Variants in IQCH observed in about 807,000 individuals in gnomAD.
The protein encoded by IQCH is IQ motif containing H.
In IQCH, 98 loss-of-function variants were observed where a neutral mutation model predicts 117.0. The ratio of observed to expected loss-of-function variants is 0.84; its 90% CI spans 0.71 to 0.99. The LOEUF (loss-of-function observed/expected upper bound fraction) is 0.99. IQCH is among the 50% of genes least tolerant of loss of function. The pLI is 0.00. For missense variants in IQCH, 1,102 were observed against 1,243.8 expected, an observed-to-expected ratio of 0.89 and a Z score of 1.72; for synonymous variants, 412 against 448.2, an observed-to-expected ratio of 0.92 and a Z score of 1.02.
intron 12 of IQCH, among the ~76,000 whole-genome samples, chr15:67,394,054 G>T (rs1971376261): frequency 6.6e-6 from 1 of 152,094 alleles, no homozygotes; most frequent in Admixed American, 6.6e-5. Context: ...TGAATTCAAA[G>T]CCAGACCTGT....
intron 18 of IQCH, among the ~76,000 whole-genome samples, chr15:67,489,348 G>A (rs2083582143): frequency 7.1e-6 from 1 of 141,198 alleles, no homozygotes; most frequent in African/African-American, 2.7e-5. Flanking sequence ...TTTTTGAGAT[G>A]GAATTTTGCT....
At position 67,458,341 on chromosome 15, in the gene IQCH, C is replaced by G. The variant is rs929095588; in HGVS notation, c.2506-6786C>G. On this transcript the variant is annotated intron_variant, in intron 16 of 20. Coordinates refer to ENST00000335894, the MANE Select transcript of IQCH (RefSeq NM_001031715.3). This position sits in a 1 kb window ranked among gnomAD's most constrained non-coding sequence, Gnocchi z 4.1. ...GCTCCTTTTTCTCATACTGCACATCCAATCCATCAATAAGTCCTTTTAGTT... is the reference window on the plus strand; with the variant it reads ...GCTCCTTTTTCTCATACTGCACATCGAATCCATCAATAAGTCCTTTTAGTT... Among the ~76,000 whole-genome samples the G allele has an allele frequency of 2.6e-5, 4 of 152,200 alleles. No homozygotes were observed. Among genetic ancestry groups the G allele is most frequent in the Non-Finnish European group, 4.4e-5 (3 of 68,042 alleles).
intron 6 of IQCH, among the ~76,000 whole-genome samples, chr15:67,354,104 A>C (rs1168627987): frequency 6.6e-6 from 1 of 152,196 alleles, no homozygotes; most frequent in Admixed American, 6.5e-5. Context: ...AAAGAGGAAA[A>C]GCTTATCAAC....
chr15:67,348,496 GA>G (rs1043290052), intron 6 of IQCH, among the ~76,000 whole-genome samples: 13 of 151,666 alleles, frequency 8.6e-5, no homozygotes, highest in South Asian at 6.3e-4. Context: ...ATTGGAAATC[GA>G]ATATTAAAAA....
chr15:67,350,567 C>T (rs1440448212), intron 6 of IQCH, among the ~76,000 whole-genome samples: 1 of 152,106 alleles, frequency 6.6e-6, no homozygotes, highest in East Asian at 1.9e-4. Context: ...GCTGGGACTA[C>T]AGGCGCCCGC....
At chr15:67,294,724 G>A (rs1966842640) in intron 4 of IQCH, among the ~76,000 whole-genome samples, 1 of 152,212 alleles carries the variant, frequency 6.6e-6, no homozygotes, top group Non-Finnish European at 1.5e-5. Flanking sequence ...CTGAGCAGCT[G>A]AACTAATGCT....
At position 67,393,060 on chromosome 15, in the gene IQCH, G is replaced by A. The variant is rs2140849401; in HGVS notation, c.1633-2231G>A. Among the ~76,000 whole-genome samples, 1 of 152,172 alleles carries A rather than the reference G, an allele frequency of 6.6e-6. No individual in the cohort carries two copies. The highest frequency in any genetic ancestry group is 6.5e-5 in the Admixed American group (1 of 15,292). On this transcript the variant is annotated intron_variant, in intron 12 of 20. Coordinates refer to ENST00000335894, the MANE Select transcript of IQCH (RefSeq NM_001031715.3). This position sits in a 1 kb window ranked among gnomAD's most constrained non-coding sequence, Gnocchi z 5.5. ...ACAACCATTACCACTATCAATTTCA[G>A]AACTTTTTATCATCCCAAGAAGAAA...
Position 67,268,028 on chromosome 15 carries a change from G to C in IQCH, c.269+4812G>C, listed in dbSNP as rs75751123. Among the ~76,000 whole-genome samples, 81 of 152,268 alleles carry C rather than the reference G, an allele frequency of 5.3e-4. 3 individuals are homozygous for C. In the East Asian group the frequency reaches 0.015, roughly 28 times the overall value. Reference sequence around the variant, plus strand: ...AGATGAGGAAACTGAGGCTCAGAGAGGTTATGTAAACCAGTCCTAGATCAC... The same window carrying C: ...AGATGAGGAAACTGAGGCTCAGAGACGTTATGTAAACCAGTCCTAGATCAC... On this transcript the variant is annotated intron_variant, in intron 3 of 20. Transcript: ENST00000335894.
intron 7 of IQCH, among the ~76,000 whole-genome samples, chr15:67,358,146 A>G (rs912630409): frequency 9.8e-6 from 1 of 101,900 alleles, no homozygotes; most frequent in African/African-American, 3.8e-5. Flanking sequence ...GGCATGAGCC[A>G]CCACGCCTGG....
rs2082041388 is a variant in IQCH at position 67,432,484 on chromosome 15, GT to G, written c.2505+10914del. On this transcript the variant is annotated intron_variant, in intron 16 of 20. Coordinates refer to ENST00000335894, the MANE Select transcript of IQCH (RefSeq NM_001031715.3). The surrounding 1 kb of genome is among the most constrained non-coding windows in gnomAD (Gnocchi z 5.0). The stretch of plus-strand genomic sequence containing the variant: ...AATTCACTTGACCAATCTGAGCCTT[GT>G]TTTTTTGTTATCAACTGGTAAATTC... Among the ~76,000 whole-genome samples the G allele has an allele frequency of 1.3e-5, 2 of 152,142 alleles. No homozygotes were observed. The highest frequency in any genetic ancestry group is 6.5e-5 in the Admixed American group (1 of 15,282).
intron 9 of IQCH, 43 bp downstream of exon 9, chr15:67,372,705 A>C: frequency 6.6e-7 from 1 of 1,506,418 alleles, no homozygotes; most frequent in Non-Finnish European, 9.0e-7. Context: ...TCTTTTTCTA[A>C]ACATTTCGTG....
intron 4 of IQCH, among the ~76,000 whole-genome samples, chr15:67,281,403 A>G (rs12899051): frequency 0.21 from 31,568 of 152,166 alleles, 4,027 homozygotes; most frequent in East Asian, 0.47. Context: ...AGAAGCTTAT[A>G]TATCATCTTG....
chr15:67,414,179 C>T (rs971315881), intron 14 of IQCH, among the ~76,000 whole-genome samples: 11 of 152,182 alleles, frequency 7.2e-5, no homozygotes, highest in Non-Finnish European at 1.0e-4. Context: ...AGAGGTTTCA[C>T]GTTTTATCTT....
intron 14 of IQCH, among the ~76,000 whole-genome samples, chr15:67,414,910 G>T (rs2081539514): frequency 6.6e-6 from 1 of 152,086 alleles, no homozygotes; most frequent in Non-Finnish European, 1.5e-5. Flanking sequence ...CCACTTGTCT[G>T]AGAGAGGGCC....
At chr15:67,380,869 T>C (rs374224186) in intron 10 of IQCH, among the ~76,000 whole-genome samples, 18 of 152,334 alleles carry the variant, frequency 1.2e-4, no homozygotes, top group East Asian at 9.6e-4. Context: ...GAGGCATGAA[T>C]GACTACCATC....
chr15:67,389,426 G>A (rs1186463444), intron 12 of IQCH, among the ~76,000 whole-genome samples: 1 of 152,020 alleles, frequency 6.6e-6, no homozygotes, highest in East Asian at 1.9e-4. Context: ...TCCCCTGAGG[G>A]GAATTTGGCT....
intron 4 of IQCH, among the ~76,000 whole-genome samples, chr15:67,283,524 G>GT (rs201227284): frequency 2.3e-4 from 35 of 149,832 alleles, no homozygotes; most frequent in Non-Finnish European, 2.4e-4. Flanking sequence ...ATATTTCTGA[G>GT]TTTTTTTTTT....
Position 67,366,177 on chromosome 15 carries a change from T to C in IQCH, c.754-5934T>C, listed in dbSNP as rs912349587. Reference sequence around the variant, plus strand: ...TGCTCAGAGATCTGGGAATCCAGGCTGCTTTTGATTCCCATCCTGTCAGGC... The same window carrying C: ...TGCTCAGAGATCTGGGAATCCAGGCCGCTTTTGATTCCCATCCTGTCAGGC... On this transcript the variant is annotated intron_variant, in intron 8 of 20. Coordinates refer to ENST00000335894, the MANE Select transcript of IQCH (RefSeq NM_001031715.3). This position sits in a 1 kb window ranked among gnomAD's most constrained non-coding sequence, Gnocchi z 4.4. Among the ~76,000 whole-genome samples, 3 of 152,220 alleles carry C rather than the reference T, an allele frequency of 2.0e-5. No individual in the cohort carries two copies. The highest frequency in any genetic ancestry group is 4.8e-5 in the African/African-American group (2 of 41,454).
chr15:67,285,106 C>T lies in IQCH; in HGVS notation c.387+5594C>T, dbSNP rs145367676. ...AAAAGCATTCCTATTTCTCTGCAAC[C>T]TCGCCAGCATCTGTTGTTTCTTCAC... On this transcript the variant is annotated intron_variant, in intron 4 of 20. Transcript: ENST00000335894. Among the ~76,000 whole-genome samples the T allele has an allele frequency of 1.6e-3, 237 of 152,288 alleles. 5 individuals carry two copies. In the East Asian group the frequency reaches 0.042, roughly 27 times the overall value.
Sources: allele counts gnomAD v4.1 joint callset (sites outside exome capture counted in the v4.1 genomes callset), GRCh38; gene constraint gnomAD v4.1.1; non-coding constraint Gnocchi (gnomAD v3.1); transcripts MANE v1.5; gene names NCBI Gene and HGNC (gene_info 2026-07-23, HGNC 2026-07-21).